DDR2: variants seen among roughly 807,000 people sequenced by gnomAD.
The protein encoded by DDR2 is discoidin domain-containing receptor 2.
Under a neutral mutation model 94.9 loss-of-function variants are expected in DDR2, and 27 were observed. The ratio of observed to expected loss-of-function variants is 0.28; its 90% CI spans 0.21 to 0.39. The LOEUF (loss-of-function observed/expected upper bound fraction) is 0.39, where lower values mean the gene tolerates loss of function less well. Among genes scored for constraint, DDR2 ranks in the 10% least tolerant of loss-of-function variants. The pLI is 1.00. For missense variants in DDR2, 783 were observed against 1,076.0 expected (o/e 0.73, Z 3.81); for synonymous variants, 382 against 377.2 (o/e 1.01, Z -0.15).
In DDR2 at chr1:162,772,002, C is replaced by T. The variant is rs780923905; in HGVS notation, c.1505-22C>T. The stretch of plus-strand genomic sequence containing the variant: ...CCAAAGACACTCCACGGAATGAGGG[C>T]TCGTTGCCCTTGTCTTCCCAGGCTG... On this transcript the variant is annotated intron_variant, in intron 12 of 17. Transcript: ENST00000367921. 6.3e-6 allele frequency: 10 copies of T among 1,578,342 alleles called. 1 individual carries two copies. The South Asian group carries it at 8.1e-5, about 13-fold the overall frequency.
intron 14 of DDR2, among the ~76,000 whole-genome samples, chr1:162,774,116 T>C (rs1181153326): frequency 6.6e-6 from 1 of 151,048 alleles, no homozygotes; most frequent in Non-Finnish European, 1.5e-5. Context: ...TCTATGAACC[T>C]CAAAGCAAAA....
intron 2 of DDR2, among the ~76,000 whole-genome samples, chr1:162,673,038 TGTAC>T (rs1658944565): frequency 6.6e-6 from 1 of 152,258 alleles, no homozygotes; most frequent in South Asian, 2.1e-4. Context: ...CACATCATTA[TGTAC>T]GTTCTTTAAT....
intron 3 of DDR2, among the ~76,000 whole-genome samples, chr1:162,748,688 T>C (rs1231636616): frequency 6.6e-6 from 1 of 152,216 alleles, no homozygotes; most frequent in Non-Finnish European, 1.5e-5. Flanking sequence ...CCACTACAAA[T>C]CAGCAGCATA....
chr1:162,679,484 A>G (rs2101953984), intron 2 of DDR2, among the ~76,000 whole-genome samples: 1 of 151,520 alleles, frequency 6.6e-6, no homozygotes, highest in Admixed American at 6.6e-5. Context: ...ACATGATCTC[A>G]TTCTTTTTTA....
chr1:162,777,780 C>CCT (rs145847092), intron 16 of DDR2: 7,481 of 152,292 alleles, frequency 0.049, 213 homozygotes, highest in Admixed American at 0.067. Context: ...GAGGCTGAGG[C>CCT]AGGAGGATGA....
In DDR2 at chr1:162,753,147, C is replaced by T. The variant is rs376460871; in HGVS notation, c.135C>T (p.Asp45=). Residue 45 remains aspartate, a synonymous_variant, in exon 4 of 18, where the codon GAC becomes GAT. Coordinates refer to ENST00000367921, the MANE Select transcript of DDR2 (RefSeq NM_006182.4). ...GMSGGQIPDE[D]ITASSQWSES... is the part of the protein sequence containing the mutation. Reference sequence around the variant, plus strand: ...CAGGAGGCCAGATTCCAGATGAGGACATCACAGCTTCCAGTCAGTGGTCAG... The same window carrying T: ...CAGGAGGCCAGATTCCAGATGAGGATATCACAGCTTCCAGTCAGTGGTCAG... 7 of 1,613,598 alleles carry T rather than the reference C, an allele frequency of 4.3e-6. No homozygotes were observed. Among genetic ancestry groups the T allele is most frequent in the African/African-American group, 2.7e-5 (2 of 74,914 alleles).
chr1:162,716,231 C>T lies in DDR2; in HGVS notation c.-27-2806C>T, dbSNP rs966838567. On this transcript the variant is annotated intron_variant, in intron 2 of 17. Transcript: ENST00000367921. ...GGTTATGGAGGGGAGGAAGTTACGG[C>T]CAGTAACCCATGAGAGAGGTGCCAC... Among the ~76,000 whole-genome samples, 13 of 152,196 alleles carry T rather than the reference C, an allele frequency of 8.5e-5. No individual in the cohort carries two copies. In the East Asian group the frequency reaches 2.5e-3, roughly 29 times the overall value.
At chr1:162,713,823 A>G (rs1348907015) in intron 2 of DDR2, among the ~76,000 whole-genome samples, 1 of 152,166 alleles carries the variant, frequency 6.6e-6, no homozygotes, top group Non-Finnish European at 1.5e-5. Flanking sequence ...CTCATTGTGT[A>G]CACACACAAG....
intron 9 of DDR2, among the ~76,000 whole-genome samples, chr1:162,761,657 A>G (rs1311165778): frequency 1.3e-5 from 2 of 152,202 alleles, no homozygotes; most frequent in Non-Finnish European, 2.9e-5. Context: ...CAAAATATGC[A>G]CGTAACTCTT....
intron 3 of DDR2, among the ~76,000 whole-genome samples, chr1:162,729,303 T>A (rs867060948): frequency 0.48 from 33,751 of 69,720 alleles, 6,889 homozygotes; most frequent in Non-Finnish European, 0.59. Context: ...TATATATATT[T>A]TTTTTTTTTT....
intron 11 of DDR2, among the ~76,000 whole-genome samples, 195 bp downstream of exon 11, chr1:162,767,554 G>A (rs1664059327): frequency 6.6e-6 from 1 of 152,094 alleles, no homozygotes; most frequent in Non-Finnish European, 1.5e-5. Flanking sequence ...TGGAGATGTT[G>A]GAACCTTCCT....
intron 2 of DDR2, among the ~76,000 whole-genome samples, chr1:162,677,239 G>T (rs1335709696): frequency 2.0e-5 from 3 of 152,080 alleles, no homozygotes; most frequent in Non-Finnish European, 4.4e-5. Context: ...CTAAGGGTCC[G>T]GGCAGGATGC....
chr1:162,704,273 A>G (rs1389975959), intron 2 of DDR2, among the ~76,000 whole-genome samples: 3 of 151,876 alleles, frequency 2.0e-5, no homozygotes, highest in Non-Finnish European at 2.9e-5. Context: ...CCATTCCCCA[A>G]TCACCAGAAA....
chr1:162,684,532 C>A (rs531077288), intron 2 of DDR2, among the ~76,000 whole-genome samples: 13 of 152,186 alleles, frequency 8.5e-5, no homozygotes, highest in African/African-American at 3.1e-4. Context: ...CTCATTCTTG[C>A]AGAACTGTTT....
rs962499569 is a variant in DDR2 at position 162,710,684 on chromosome 1, C to A, written c.-27-8353C>A. Among the ~76,000 whole-genome samples the A allele has an allele frequency of 3.9e-5, 6 of 151,952 alleles. No individual in the cohort carries two copies. The East Asian group carries it at 1.2e-3, about 29-fold the overall frequency. On this transcript the variant is annotated intron_variant, in intron 2 of 17. Transcript: ENST00000367921. ...ATGGCCCCTGAATTAAAATACATAG[C>A]CCTAAATCATGGGGGTGTTCTTCTC...
chr1:162,753,886 C>A (rs898863447), intron 4 of DDR2, among the ~76,000 whole-genome samples: 1 of 152,086 alleles, frequency 6.6e-6, no homozygotes, highest in Non-Finnish European at 1.5e-5. Flanking sequence ...TCCTGATGAA[C>A]CTTTCCCCTT....
intron 1 of DDR2, among the ~76,000 whole-genome samples, chr1:162,652,227 C>A (rs7412891): frequency 6.6e-6 from 1 of 152,124 alleles, no homozygotes; most frequent in Non-Finnish European, 1.5e-5. Context: ...CATGCTTACC[C>A]GAGGGGCTCC....
intron 3 of DDR2, among the ~76,000 whole-genome samples, chr1:162,731,216 T>G (rs1409657254): frequency 2.0e-5 from 3 of 152,220 alleles, no homozygotes; most frequent in African/African-American, 7.2e-5. Flanking sequence ...GCCACTGTGA[T>G]TCATGTTAAC....
intron 1 of DDR2, among the ~76,000 whole-genome samples, chr1:162,635,879 T>G (rs968929996): frequency 6.6e-6 from 1 of 152,214 alleles, no homozygotes; most frequent in Non-Finnish European, 1.5e-5. Flanking sequence ...CCAACTGTGT[T>G]GTCTTTGGCA....
Sources: gnomAD v4.1 joint callset for allele counts (sites outside exome capture counted in the v4.1 genomes callset) on GRCh38, gnomAD v4.1.1 for gene constraint, MANE v1.5 for transcripts, NCBI Gene and HGNC (gene_info 2026-07-23, HGNC 2026-07-21) for gene names.